Variants in TRAPPC6A observed in about 807,000 individuals in gnomAD.
TRAPPC6A encodes the protein trafficking protein particle complex subunit 6A, also known as TRAPP complex subunit 6A.
Under a neutral mutation model 20.8 loss-of-function variants are expected in TRAPPC6A, and 25 were observed. That is an observed-to-expected ratio of 1.20 (90% CI 0.88 to 1.68). TRAPPC6A has a LOEUF of 1.68. TRAPPC6A is among the 40% of genes most tolerant of loss of function. The probability of loss-of-function intolerance (pLI) is 0.00; values close to 1 mark genes in which losing one functional copy is unlikely to be tolerated. For synonymous variants in TRAPPC6A, 96 were observed against 93.3 expected (o/e 1.03, Z -0.16); for missense variants, 215 against 211.6 (o/e 1.02, Z -0.10).
At chr19:45,168,283 G>A (rs1214592086) in intron 1 of TRAPPC6A, among the ~76,000 whole-genome samples, 3 of 152,074 alleles carry the variant, frequency 2.0e-5, no homozygotes, top group Non-Finnish European at 4.4e-5. Context: ...GATTATAGGC[G>A]TGAGCCACCG....
chr19:45,176,393 G>A (rs1175058678), intron 1 of TRAPPC6A, among the ~76,000 whole-genome samples: 1 of 152,100 alleles, frequency 6.6e-6, no homozygotes, highest in Non-Finnish European at 1.5e-5. Context: ...GAACCCAGGA[G>A]GCGGAGCTTG....
intron 1 of TRAPPC6A, among the ~76,000 whole-genome samples, chr19:45,169,118 G>T (rs1049798562): frequency 2.6e-5 from 4 of 152,188 alleles, no homozygotes. Context: ...AGACGGGCAG[G>T]TGTGTGTGAG....
Position 45,163,856 on chromosome 19 carries a change from A to C in TRAPPC6A, c.448+60T>G. The stretch of plus-strand genomic sequence containing the variant: ...GCACACACACAGGAGTGGGGCTGGA[A>C]CTCTGAAGCCCCCAGCAACTCAAGG... On this transcript the variant is annotated intron_variant, in intron 5 of 5. Coordinates refer to ENST00000585934, the MANE Select transcript of TRAPPC6A (RefSeq NM_001270891.2). This position sits in a 1 kb window ranked among gnomAD's most constrained non-coding sequence, Gnocchi z 5.3. 1 of 1,424,726 alleles carries C rather than the reference A, an allele frequency of 7.0e-7. No homozygotes were observed. The highest frequency in any genetic ancestry group is 9.7e-7 in the Non-Finnish European group (1 of 1,035,354). The allele number at this position is 1,424,726 out of a possible 1,614,324, so 88.3% of individuals were successfully genotyped here.
At chr19:45,164,792 T>A in intron 3 of TRAPPC6A, 61 bp downstream of exon 3, 3 of 1,497,402 alleles carry the variant, frequency 2.0e-6, no homozygotes, top group Non-Finnish European at 2.8e-6. Context: ...GGGATTCCCC[T>A]CCCACTCTCT....
chr19:45,165,026 G>A (rs1969118257), intron 2 of TRAPPC6A, 56 bp from the exon 3 acceptor site: 3 of 1,608,736 alleles, frequency 1.9e-6, no homozygotes, highest in East Asian at 2.2e-5. Flanking sequence ...GAGGGAGGAA[G>A]ACAGGCCCGA....
rs1384404842 is a variant in TRAPPC6A, at chr19:45,172,386, T to C, written c.84+5749A>G. Among the ~76,000 whole-genome samples the C allele has an allele frequency of 6.6e-6, 1 of 151,494 alleles. No homozygotes were observed. The highest frequency in any genetic ancestry group is 2.4e-5 in the African/African-American group (1 of 40,842). ...GGGCCATGTGCTCCACCCCTTCCTGTCTCTTGTGTCTGCCCTACCCCTCGA... is the reference window on the plus strand; with the variant it reads ...GGGCCATGTGCTCCACCCCTTCCTGCCTCTTGTGTCTGCCCTACCCCTCGA... On this transcript the variant is annotated intron_variant, in intron 1 of 5. Transcript: ENST00000585934. The surrounding 1 kb of genome is among the most constrained non-coding windows in gnomAD (Gnocchi z 4.2).
intron 4 of TRAPPC6A, 66 bp from the exon 5 acceptor site, chr19:45,164,075 C>G: frequency 2.6e-6 from 4 of 1,551,294 alleles, no homozygotes; most frequent in Non-Finnish European, 3.5e-6. Context: ...CTGGGGCACC[C>G]CTTAGGCCTG....
rs573015499 is a variant in TRAPPC6A at position 45,167,501 on chromosome 19, G to C, written c.85-2307C>G. ...CTCCTGTAATTCCAGCACTTTGGGA[G>C]GTCGGAGTTTCGCTCTTGTTGCCCA... On this transcript the variant is annotated intron_variant, in intron 1 of 5. Transcript: ENST00000585934. Among the ~76,000 whole-genome samples the C allele has an allele frequency of 5.1e-4, 78 of 152,314 alleles. No individual in the cohort carries two copies. In the South Asian group the frequency reaches 0.015, roughly 29 times the overall value.
intron 1 of TRAPPC6A, among the ~76,000 whole-genome samples, chr19:45,177,070 C>A (rs1375086677): frequency 6.6e-6 from 1 of 152,096 alleles, no homozygotes; most frequent in African/African-American, 2.4e-5. Context: ...GTGGTCCCAG[C>A]TACTTGGGAG....
intron 1 of TRAPPC6A, among the ~76,000 whole-genome samples, chr19:45,176,420 C>A (rs1000026742): frequency 6.6e-6 from 1 of 151,878 alleles, no homozygotes; most frequent in African/African-American, 2.4e-5. Flanking sequence ...GCCAAGATTG[C>A]GCCACTGCAC....
chr19:45,174,562 C>T (rs935743918), intron 1 of TRAPPC6A, among the ~76,000 whole-genome samples: 5 of 152,122 alleles, frequency 3.3e-5, no homozygotes, highest in African/African-American at 1.2e-4. Context: ...CTGGCTCACA[C>T]CTGTAATCCC....
chr19:45,164,100 G>A, intron 4 of TRAPPC6A, 64 bp downstream of exon 4: 2 of 1,555,286 alleles, frequency 1.3e-6, no homozygotes, highest in East Asian at 4.7e-5. Context: ...AAGGCCTGAT[G>A]TGGGATGGGG....
At chr19:45,174,913 G>A (rs528440168) in intron 1 of TRAPPC6A, among the ~76,000 whole-genome samples, 2 of 149,650 alleles carry the variant, frequency 1.3e-5, no homozygotes, top group African/African-American at 2.5e-5. Flanking sequence ...GAGGTCAGGA[G>A]ATCGAGACCA....
At position 45,178,174 on chromosome 19, in the gene TRAPPC6A, C is replaced by G. The variant is rs150157536; in HGVS notation, c.45G>C (p.Val15=). Residue 15 remains valine, a synonymous_variant, in exon 1 of 6, where the codon GTG becomes GTC. Coordinates refer to ENST00000585934, the MANE Select transcript of TRAPPC6A (RefSeq NM_001270891.2). ...CGGGGTCGTGAGCCCACAGCTCAGC[C>G]ACCATCTCCGTGTGAAGAAACTCAA... The part of the protein sequence containing the change: ...VLFEFLHTEM[V]AELWAHDPDP... 6.2e-7 allele frequency: 1 copy of G among 1,612,398 alleles called. No individual in the cohort carries two copies. The highest frequency in any genetic ancestry group is 2.2e-5 in the East Asian group (1 of 44,746).
intron 1 of TRAPPC6A, among the ~76,000 whole-genome samples, chr19:45,167,057 C>T (rs2122831966): frequency 6.6e-6 from 1 of 152,258 alleles, no homozygotes; most frequent in South Asian, 2.1e-4. Flanking sequence ...CAGCTTGCGT[C>T]CCCAGCCCTG....
intron 1 of TRAPPC6A, among the ~76,000 whole-genome samples, chr19:45,175,556 C>T (rs1969353016): frequency 6.6e-6 from 1 of 151,990 alleles, no homozygotes; most frequent in Non-Finnish European, 1.5e-5. Context: ...GGGAAGGCAT[C>T]CCTGAGGAAG....
At position 45,165,263 on chromosome 19, in the gene TRAPPC6A, A is replaced by G. The variant is rs1450081903; in HGVS notation, c.85-69T>C. 3 of 1,475,980 alleles carry G rather than the reference A, an allele frequency of 2.0e-6. No homozygotes were observed. The East Asian group carries it at 7.4e-5, about 36-fold the overall frequency. 91.4% of individuals were successfully genotyped at this position (1,475,980 alleles called of 1,614,324 possible). On this transcript the variant is annotated intron_variant, in intron 1 of 5. Transcript: ENST00000585934. ...CGAACCCGGGGCCACCCAGGGGGGGACCTGCCAGGGGACCCAAAGACCAAC... is the reference window on the plus strand; with the variant it reads ...CGAACCCGGGGCCACCCAGGGGGGGGCCTGCCAGGGGACCCAAAGACCAAC...
At chr19:45,175,672 G>A (rs1371578074) in intron 1 of TRAPPC6A, among the ~76,000 whole-genome samples, 5 of 152,042 alleles carry the variant, frequency 3.3e-5, no homozygotes, top group African/African-American at 7.2e-5. Flanking sequence ...ACAGGAGAGC[G>A]GAAAGCACTG....
chr19:45,165,260 G>A, intron 1 of TRAPPC6A, 66 bp from the exon 2 acceptor site: 2 of 1,497,842 alleles, frequency 1.3e-6, no homozygotes, highest in Non-Finnish European at 9.1e-7. Flanking sequence ...CACCCAGGGG[G>A]GGACCTGCCA....
Sources: allele counts gnomAD v4.1 joint callset (sites outside exome capture counted in the v4.1 genomes callset), GRCh38; gene constraint gnomAD v4.1.1; non-coding constraint Gnocchi (gnomAD v3.1); transcripts MANE v1.5; gene names NCBI Gene and HGNC (gene_info 2026-07-23, HGNC 2026-07-21).